Variants in PPP2R2B observed in about 807,000 individuals in gnomAD.
PPP2R2B encodes serine/threonine-protein phosphatase 2A 55 kDa regulatory subunit B beta isoform.
A neutral mutation model predicts 46.0 loss-of-function variants in PPP2R2B; 5 were observed. The observed-to-expected ratio is 0.11, with a 90% CI of 0.06 to 0.23. The LOEUF is 0.23. Ranked by LOEUF, PPP2R2B falls within the 10% of genes least tolerant of loss-of-function variation. PPP2R2B has a pLI of 1.00. For synonymous variants in PPP2R2B, 215 were observed against 206.7 expected (o/e 1.04, Z -0.34); for missense variants, 367 against 575.0 (o/e 0.64, Z 3.70).
chr5:147,079,380 G>T (rs1757898700), intron 2 of PPP2R2B, among the ~76,000 whole-genome samples: 1 of 144,432 alleles, frequency 6.9e-6, no homozygotes, highest in African/African-American at 2.5e-5. Flanking sequence ...TATAATATGT[G>T]ATATAAAATG....
intron 2 of PPP2R2B, among the ~76,000 whole-genome samples, chr5:146,848,526 C>T (rs1561956360): frequency 6.6e-6 from 1 of 152,038 alleles, no homozygotes; most frequent in African/African-American, 2.4e-5. Flanking sequence ...GATGCTCCTC[C>T]AGTGGAATTT....
chr5:146,688,447 G>A (rs1183275089), intron 5 of PPP2R2B, among the ~76,000 whole-genome samples: 1 of 151,838 alleles, frequency 6.6e-6, no homozygotes, highest in Non-Finnish European at 1.5e-5. Context: ...CCTCTCTGGA[G>A]TGGGTCTCAG....
At chr5:146,810,411 A>G (rs935099744) in intron 2 of PPP2R2B, among the ~76,000 whole-genome samples, 4 of 152,314 alleles carry the variant, frequency 2.6e-5, no homozygotes, top group African/African-American at 9.6e-5. Flanking sequence ...AACAGTATGG[A>G]GAAAACCACC....
At chr5:146,957,961 C>T (rs893231473) in intron 1 of PPP2R2B, among the ~76,000 whole-genome samples, 3 of 152,064 alleles carry the variant, frequency 2.0e-5, no homozygotes, top group African/African-American at 7.2e-5. Flanking sequence ...AAAGATGTAC[C>T]TGCTCAAAAT....
chr5:146,873,766 A>G (rs943790271), intron 2 of PPP2R2B, among the ~76,000 whole-genome samples: 32 of 152,270 alleles, frequency 2.1e-4, no homozygotes, highest in African/African-American at 7.2e-4. Flanking sequence ...ATACACCACC[A>G]TGGCTGGCCA....
chr5:147,079,331 A>G (rs1478316125), intron 2 of PPP2R2B, among the ~76,000 whole-genome samples: 1 of 148,400 alleles, frequency 6.7e-6, no homozygotes, highest in Non-Finnish European at 1.5e-5. Flanking sequence ...AAGTGTTCAT[A>G]AACAGATGAA....
chr5:146,856,446 T>G, intron 2 of PPP2R2B: 1 of 1,390,294 alleles, frequency 7.2e-7, no homozygotes, highest in Middle Eastern at 1.8e-4. Context: ...TATTTAACAC[T>G]TCTATACTGC....
chr5:146,808,983 G>GTC (rs888229075), intron 2 of PPP2R2B, among the ~76,000 whole-genome samples: 2 of 150,782 alleles, frequency 1.3e-5, no homozygotes, highest in African/African-American at 2.5e-5. Flanking sequence ...GTGTGTGTGT[G>GTC]TGTGTGTGTG....
chr5:146,959,453 G>C (rs1752071553), intron 1 of PPP2R2B, among the ~76,000 whole-genome samples: 1 of 152,148 alleles, frequency 6.6e-6, no homozygotes, highest in Non-Finnish European at 1.5e-5. Context: ...TGAAGACAGA[G>C]TCTCTGCCTT....
chr5:146,710,931 T>C (rs1223242249), intron 2 of PPP2R2B, among the ~76,000 whole-genome samples: 2 of 152,228 alleles, frequency 1.3e-5, no homozygotes, highest in Admixed American at 6.5e-5. Context: ...AGACATGGTA[T>C]CCACTTTGTG....
At chr5:146,948,301 T>C (rs771293821) in intron 1 of PPP2R2B, among the ~76,000 whole-genome samples, 4 of 152,036 alleles carry the variant, frequency 2.6e-5, no homozygotes, top group Admixed American at 1.3e-4. Flanking sequence ...CTTAAATATA[T>C]TATCTACTCT....
intron 1 of PPP2R2B, among the ~76,000 whole-genome samples, chr5:146,959,334 G>T (rs1250235531): frequency 6.6e-6 from 1 of 152,104 alleles, no homozygotes; most frequent in Non-Finnish European, 1.5e-5. Context: ...ACTCTAAGGG[G>T]ATTGAGACAT....
chr5:146,764,848 A>T (rs148219078), intron 2 of PPP2R2B, among the ~76,000 whole-genome samples: 203 of 152,120 alleles, frequency 1.3e-3, no homozygotes, highest in African/African-American at 4.6e-3. Context: ...ACACACACGC[A>T]CACGCACACG....
In PPP2R2B at chr5:146,980,450, T is replaced by C. The variant is rs74548479; in HGVS notation, c.79+75215A>G. ...CTGCTAGTCTCATCCAGAAGGGAAA[T>C]CTGATCACTGACAACCCACCCCAGA... On this transcript the variant is annotated intron_variant, in intron 1 of 8. Transcript: ENST00000336640. Among the ~76,000 whole-genome samples the C allele has an allele frequency of 8.8e-3, 1,343 of 152,216 alleles. 64 individuals are homozygous for C. The East Asian group carries it at 0.14, about 16-fold the overall frequency.
At chr5:146,967,889 T>C (rs11953078) in intron 1 of PPP2R2B, among the ~76,000 whole-genome samples, 116,993 of 152,076 alleles carry the variant, frequency 0.77, 45,986 homozygotes, top group Admixed American at 0.85. Flanking sequence ...ATATCCTCAC[T>C]GCAGCAAACA....
chr5:146,616,044 A>G (rs1773137913), intron 7 of PPP2R2B, among the ~76,000 whole-genome samples: 1 of 152,210 alleles, frequency 6.6e-6, no homozygotes, highest in African/African-American at 2.4e-5. Flanking sequence ...ACAGACATAT[A>G]GATCAATGGA....
At chr5:146,676,236 A>C (rs1050383897) in intron 5 of PPP2R2B, among the ~76,000 whole-genome samples, 3 of 152,094 alleles carry the variant, frequency 2.0e-5, no homozygotes, top group Non-Finnish European at 4.4e-5. Flanking sequence ...ACATTTAGCT[A>C]TCTGGGCAAA....
Position 146,878,042 on chromosome 5 carries a change from G to A in PPP2R2B, c.30C>T (p.Ile10=). The A allele has an allele frequency of 6.2e-7, 1 of 1,614,162 alleles. No homozygotes were observed. The highest frequency in any genetic ancestry group is 8.5e-7 in the Non-Finnish European group (1 of 1,180,020). The change falls in exon 2 of 10, where the codon ATC becomes ATT. Residue 10 remains isoleucine (I), a synonymous_variant. Transcript: ENST00000394411. This position sits in a 1 kb window ranked among gnomAD's most constrained non-coding sequence, Gnocchi z 4.5. MEEDIDTRK[I]NNSFLRDHSY... ...TGTGGTCGCGCAGGAAACTGTTGTT[G>A]ATTTTGCGGGTATCAATGTCCTCCT...
At chr5:146,821,465 C>G (rs139117454) in intron 2 of PPP2R2B, among the ~76,000 whole-genome samples, 1 of 152,156 alleles carries the variant, frequency 6.6e-6, no homozygotes, top group Non-Finnish European at 1.5e-5. Flanking sequence ...TGTCACAGCA[C>G]TTTGTGGATG....
Sources: gnomAD v4.1 joint callset for allele counts (sites outside exome capture counted in the v4.1 genomes callset) on GRCh38, gnomAD v4.1.1 for gene constraint, Gnocchi (gnomAD v3.1) non-coding constraint, MANE v1.5 for transcripts, NCBI Gene and HGNC (gene_info 2026-07-23, HGNC 2026-07-21) for gene names.